Variants in TUSC3 observed in about 807,000 individuals in gnomAD.
TUSC3 encodes the protein dolichyl-diphosphooligosaccharide--protein glycosyltransferase subunit TUSC3.
TUSC3 carries 45 observed loss-of-function variants against 44.8 expected under a neutral mutation model. The ratio of observed to expected loss-of-function variants is 1.00; its 90% CI spans 0.79 to 1.29. TUSC3 has a LOEUF of 1.29. TUSC3 is among the 50% of genes most tolerant of loss of function. The pLI, the probability that TUSC3 is intolerant of heterozygous loss-of-function variation, is 0.00. For missense variants in TUSC3, 519 were observed against 437.9 expected, an observed-to-expected ratio of 1.19 and a Z score of -1.65; for synonymous variants, 212 against 152.9, an observed-to-expected ratio of 1.39 and a Z score of -2.85.
chr8:15,816,116 T>C, the TUSC3 span, among the ~76,000 whole-genome samples: 406 of 152,286 alleles, frequency 2.7e-3, no homozygotes, highest in African/African-American at 9.5e-3. Context: ...TTTCCCCAGT[T>C]AGCAACTGTC....
At position 15,560,737 on chromosome 8, in the gene TUSC3, G is replaced by A. The variant is rs376501168; in HGVS notation, c.138+20169G>A. 4.3e-5 allele frequency among the ~76,000 whole-genome samples: 5 copies of A among 117,386 alleles called. No homozygotes were observed. In the East Asian group the frequency reaches 7.4e-4, roughly 17 times the overall value. The allele number at this position is 117,386 out of a possible 152,430, so 77.0% of individuals were successfully genotyped here. On this transcript the variant is annotated intron_variant, in intron 1 of 10. Coordinates refer to ENST00000503731, the MANE Select transcript of TUSC3 (RefSeq NM_006765.4). ...CTTTTTTCTCTAAACTTCCCTTCTC[G>A]CTTCATTTCATTCATTTCATCTTCC... is the stretch of plus-strand genomic sequence containing the variant.
At chr8:15,674,768 T>G (rs1278952066) in intron 6 of TUSC3, among the ~76,000 whole-genome samples, 2 of 152,178 alleles carry the variant, frequency 1.3e-5, no homozygotes, top group East Asian at 3.9e-4. Context: ...TTAGACATAG[T>G]TTTTGCTATA....
In TUSC3 at chr8:15,423,969, G is replaced by GTTTTTGTTTTGTTTTTTTTTTTTTTTT. The variant is rs1563247134; in HGVS notation, n.91+6669_91+6670insGTTTTGTTTTTTTTTTTTTTTTTTTTT. Among the ~76,000 whole-genome samples, 14 of 70,394 alleles carry GTTTTTGTTTTGTTTTTTTTTTTTTTTT rather than the reference G, an allele frequency of 2.0e-4. 3 individuals are homozygous for GTTTTTGTTTTGTTTTTTTTTTTTTTTT. Among genetic ancestry groups the GTTTTTGTTTTGTTTTTTTTTTTTTTTT allele is most frequent in the African/African-American group, 4.1e-4 (10 of 24,496 alleles). 46.2% of individuals were successfully genotyped at this position (70,394 alleles called of 152,430 possible). On this transcript the variant is annotated intron_variant and non_coding_transcript_variant, in intron 1 of 5. Transcript: ENST00000503191. The stretch of plus-strand genomic sequence containing the variant: ...TACAGCATTCATACTGTTTTGCTTT[G>GTTTTTGTTTTGTTTTTTTTTTTTTTTT]TTTTTTTTTTTTTTTTTTTTTTTTT...
intron 1 of TUSC3, among the ~76,000 whole-genome samples, chr8:15,439,953 ATTCAT>A (rs1200746234): frequency 6.6e-6 from 1 of 152,184 alleles, no homozygotes; most frequent in Non-Finnish European, 1.5e-5. Context: ...TATTTCATCC[ATTCAT>A]TTAACAATTA....
chr8:15,546,631 G>A (rs559264656), intron 1 of TUSC3, among the ~76,000 whole-genome samples: 1 of 151,676 alleles, frequency 6.6e-6, no homozygotes, highest in South Asian at 2.1e-4. Context: ...TGCCTCCTGG[G>A]TTCAAGCAAT....
chr8:15,830,384 C>G, the TUSC3 span, among the ~76,000 whole-genome samples: 1 of 151,998 alleles, frequency 6.6e-6, no homozygotes, highest in African/African-American at 2.4e-5. Flanking sequence ...AGAGGATTTC[C>G]TAGGTTTTCT....
intron 2 of TUSC3, among the ~76,000 whole-genome samples, chr8:15,523,664 A>ATATATGTG (rs1345376349): frequency 1.3e-3 from 56 of 42,390 alleles, no homozygotes; most frequent in African/African-American, 4.5e-3. Context: ...ATATATATAT[A>ATATATGTG]TGTGTGTGTG....
chr8:15,427,242 TTAG>T (rs1415546146), intron 1 of TUSC3, among the ~76,000 whole-genome samples: 9 of 149,248 alleles, frequency 6.0e-5, no homozygotes, highest in African/African-American at 7.4e-5. Flanking sequence ...TTTTTTTTTT[TTAG>T]TTTAGTTTAA....
At chr8:15,573,670 G>A (rs747914296) in intron 1 of TUSC3, among the ~76,000 whole-genome samples, 3 of 151,990 alleles carry the variant, frequency 2.0e-5, no homozygotes, top group African/African-American at 7.2e-5. Context: ...GGGGCTGCTA[G>A]CAAACCTCTA....
intron 7 of TUSC3, among the ~76,000 whole-genome samples, chr8:15,736,276 C>G (rs996149265): frequency 6.6e-6 from 1 of 152,118 alleles, no homozygotes; most frequent in Non-Finnish European, 1.5e-5. Context: ...CAATTATGTT[C>G]TTAAAAAGTT....
intron 7 of TUSC3, among the ~76,000 whole-genome samples, chr8:15,742,964 T>C (rs543228537): frequency 1.3e-5 from 2 of 152,342 alleles, no homozygotes; most frequent in South Asian, 4.1e-4. Context: ...ATTCTTAAGG[T>C]ATCAGTTAGC....
chr8:15,762,332 A>G (rs893457447), intron 10 of TUSC3, among the ~76,000 whole-genome samples: 9 of 152,082 alleles, frequency 5.9e-5, no homozygotes, highest in African/African-American at 1.9e-4. Flanking sequence ...GATTAAATAT[A>G]TATTTATCAT....
intron 1 of TUSC3, among the ~76,000 whole-genome samples, chr8:15,606,862 G>C (rs544894510): frequency 1.3e-5 from 2 of 152,066 alleles, no homozygotes; most frequent in Admixed American, 6.6e-5. Context: ...TAGCCATATT[G>C]TATCCCTTGG....
intron 1 of TUSC3, among the ~76,000 whole-genome samples, chr8:15,565,957 T>A (rs1306428295): frequency 6.6e-6 from 1 of 152,114 alleles, no homozygotes; most frequent in Non-Finnish European, 1.5e-5. Context: ...TAATTCATTC[T>A]TACTAATAAA....
intron 6 of TUSC3, among the ~76,000 whole-genome samples, chr8:15,704,169 C>G (rs1412004586): frequency 6.6e-6 from 1 of 150,974 alleles, no homozygotes; most frequent in African/African-American, 2.4e-5. Context: ...TAAGCAGAGA[C>G]CTGAAGGAAA....
chr8:15,505,755 T>C (rs1801043298), intron 2 of TUSC3, among the ~76,000 whole-genome samples: 2 of 152,256 alleles, frequency 1.3e-5, no homozygotes, highest in South Asian at 4.1e-4. Flanking sequence ...AAATGTATTT[T>C]TTTTCTGTTT....
At chr8:15,530,783 T>C (rs1317789334) in intron 2 of TUSC3, among the ~76,000 whole-genome samples, 1 of 152,198 alleles carries the variant, frequency 6.6e-6, no homozygotes, top group Non-Finnish European at 1.5e-5. Flanking sequence ...TTTATATGTA[T>C]TGTTTTATTT....
chr8:15,704,204 G>A (rs1249541090), intron 6 of TUSC3, among the ~76,000 whole-genome samples: 1 of 151,270 alleles, frequency 6.6e-6, no homozygotes, highest in East Asian at 1.9e-4. Context: ...ATATAGTATC[G>A]GAAGATGGAA....
At chr8:15,803,926 C>T in the TUSC3 span, among the ~76,000 whole-genome samples, 2 of 152,170 alleles carry the variant, frequency 1.3e-5, no homozygotes, top group Non-Finnish European at 2.9e-5. Context: ...ATATGTGCCA[C>T]ATTTTCTTTA....
Sources: allele counts gnomAD v4.1 joint callset (sites outside exome capture counted in the v4.1 genomes callset), GRCh38; gene constraint gnomAD v4.1.1; transcripts MANE v1.5; gene names NCBI Gene and HGNC (gene_info 2026-07-23, HGNC 2026-07-21).